The following GLYATL2 variants were observed in gnomAD, a reference collection of about 807,000 sequenced individuals.
GLYATL2 encodes glycine-N-acyltransferase like 2, also known as glycine N-acyltransferase-like protein 2.
In GLYATL2, 25 loss-of-function variants were observed where a neutral mutation model predicts 21.4. That is an observed-to-expected ratio of 1.17 (90% CI 0.85 to 1.63). GLYATL2 has a LOEUF of 1.63. Among genes scored for constraint, GLYATL2 ranks in the 40% most tolerant of loss-of-function variants. The probability of loss-of-function intolerance (pLI) is 0.00; values close to 1 mark genes in which losing one functional copy is unlikely to be tolerated. For missense variants in GLYATL2, 361 were observed against 343.3 expected, an observed-to-expected ratio of 1.05 and a Z score of -0.41; for synonymous variants, 114 against 118.2, an observed-to-expected ratio of 0.96 and a Z score of 0.23.
intron 1 of GLYATL2, among the ~76,000 whole-genome samples, chr11:58,902,505 A>C (rs1433650219): frequency 6.6e-6 from 1 of 152,176 alleles, no homozygotes; most frequent in Non-Finnish European, 1.5e-5. Context: ...TGTTGTTTGC[A>C]ACTCTAAATA....
intron 1 of GLYATL2, among the ~76,000 whole-genome samples, chr11:58,843,012 C>T (rs995985617): frequency 2.6e-5 from 4 of 151,982 alleles, no homozygotes; most frequent in African/African-American, 9.7e-5. Context: ...GTTTTTGTGA[C>T]CAGAAATATG....
At chr11:58,885,512 CAGAT>C (rs1854421240) in intron 1 of GLYATL2, 3 of 495,718 alleles carry the variant, frequency 6.1e-6, no homozygotes, top group Admixed American at 4.0e-5. Context: ...GCCCGAGTAT[CAGAT>C]AGTTATTATC....
intron 5 of GLYATL2, among the ~76,000 whole-genome samples, chr11:58,836,788 C>CAGAAGGACGTTGTGAGCCCT (rs1853438571): frequency 6.6e-6 from 1 of 152,284 alleles, no homozygotes; most frequent in Admixed American, 6.5e-5. Context: ...ATTACCCTCT[C>CAGAAGGACGTTGTGAGCCCT]AGAAGGACGT....
intron 1 of GLYATL2, among the ~76,000 whole-genome samples, chr11:58,894,007 T>C (rs1360187640): frequency 6.6e-6 from 1 of 152,212 alleles, no homozygotes; most frequent in African/African-American, 2.4e-5. Context: ...ATCATTGTTA[T>C]GCAGAAAAGA....
chr11:58,855,857 C>T (rs888974662), intron 1 of GLYATL2, among the ~76,000 whole-genome samples: 6 of 152,160 alleles, frequency 3.9e-5, no homozygotes, highest in African/African-American at 1.4e-4. Context: ...GGTGTGGTGG[C>T]TCATGCCTGT....
chr11:58,905,281 A>G (rs1393519302), upstream of GLYATL2: 1 of 374,036 alleles, frequency 2.7e-6, no homozygotes, highest in African/African-American at 2.1e-5. Context: ...AAGTCCCTCT[A>G]GACCTCACGC....
At chr11:58,841,422 G>T (rs1853550830) in intron 1 of GLYATL2, among the ~76,000 whole-genome samples, 2 of 152,170 alleles carry the variant, frequency 1.3e-5, no homozygotes, top group Admixed American at 1.3e-4. Flanking sequence ...TATCTACTTT[G>T]TAGGTTGTCA....
At position 58,837,153 on chromosome 11, in the gene GLYATL2, G is replaced by A. The variant is rs1385664029; in HGVS notation, c.338C>T (p.Ala113Val). 4.3e-6 allele frequency: 7 copies of A among 1,613,730 alleles called. No homozygotes were observed. Among genetic ancestry groups the A allele is most frequent in the Non-Finnish European group, 5.9e-6 (7 of 1,179,872 alleles). ...TTTTGAAGTTGCAACCTTTCTTATTGCTTCATCCAAGCCCTCTTGGCAACC... is the reference window on the plus strand; with the variant it reads ...TTTTGAAGTTGCAACCTTTCTTATTACTTCATCCAAGCCCTCTTGGCAACC... ...IQGCQEGLDE[A>V]IRKVATSKSV... The change falls in exon 5 of 6, where the codon GCA (alanine) becomes GTA (valine). Residue 113 changes from alanine (A) to valine (V), a missense_variant. Coordinates refer to ENST00000287275, the MANE Select transcript of GLYATL2 (RefSeq NM_145016.4).
chr11:58,909,522 G>C, the GLYATL2 span, among the ~76,000 whole-genome samples: 4 of 152,264 alleles, frequency 2.6e-5, no homozygotes, highest in Admixed American at 2.6e-4. Flanking sequence ...ATGTACATTA[G>C]TTACGCATTC....
upstream of GLYATL2, among the ~76,000 whole-genome samples, chr11:58,846,345 A>AG (rs1240148251): frequency 6.6e-6 from 1 of 151,986 alleles, no homozygotes; most frequent in African/African-American, 2.4e-5. Context: ...AACTACACAG[A>AG]AAAAAATACC....
chr11:58,879,290 T>C (rs1442994686), intron 1 of GLYATL2, among the ~76,000 whole-genome samples: 1 of 152,166 alleles, frequency 6.6e-6, no homozygotes, highest in Non-Finnish European at 1.5e-5. Flanking sequence ...AATTTTCATG[T>C]TTATTTATTC....
chr11:58,871,900 G>GA, intron 1 of GLYATL2, among the ~76,000 whole-genome samples: 111 of 152,256 alleles, frequency 7.3e-4, no homozygotes, highest in African/African-American at 2.5e-3. Flanking sequence ...AGTCCCACCA[G>GA]CGGTGTAAAA....
intron 1 of GLYATL2, among the ~76,000 whole-genome samples, chr11:58,852,004 T>G (rs1213797379): frequency 6.6e-6 from 1 of 152,216 alleles, no homozygotes; most frequent in Non-Finnish European, 1.5e-5. Context: ...GCATCTGAGT[T>G]TCTGGATTGA....
At chr11:58,868,788 A>T (rs1196534560) in intron 1 of GLYATL2, among the ~76,000 whole-genome samples, 1 of 149,102 alleles carries the variant, frequency 6.7e-6, no homozygotes, top group Non-Finnish European at 1.5e-5. Flanking sequence ...TTACCTTGGA[A>T]GAACTGCTTT....
At chr11:58,849,916 C>A (rs1036262055) in intron 1 of GLYATL2, among the ~76,000 whole-genome samples, 41 of 151,942 alleles carry the variant, frequency 2.7e-4, no homozygotes, top group African/African-American at 9.4e-4. Context: ...GCACATGTAT[C>A]CCAGAACTTA....
chr11:58,883,912 C>A (rs1016801692), intron 1 of GLYATL2, among the ~76,000 whole-genome samples: 2 of 152,168 alleles, frequency 1.3e-5, no homozygotes, highest in Admixed American at 6.6e-5. Context: ...GCTGATTCAA[C>A]ATGCACAAAT....
intron 1 of GLYATL2, among the ~76,000 whole-genome samples, chr11:58,861,623 T>C (rs1373331052): frequency 6.6e-6 from 1 of 152,012 alleles, no homozygotes; most frequent in East Asian, 1.9e-4. Flanking sequence ...TAGTTTGTTC[T>C]TTTTATAGTT....
At chr11:58,885,453 A>T in intron 1 of GLYATL2, 1 of 506,370 alleles carries the variant, frequency 2.0e-6, no homozygotes, top group Non-Finnish European at 4.0e-6. Context: ...TGTGTGTATC[A>T]CATCAATCAT....
At chr11:58,847,854 G>A (rs1286846052), upstream of GLYATL2, among the ~76,000 whole-genome samples, 1 of 152,152 alleles carries the variant, frequency 6.6e-6, no homozygotes. Context: ...CAGTAGCCAA[G>A]GAGTGATTAC....
Sources: gnomAD v4.1 joint callset for allele counts (sites outside exome capture counted in the v4.1 genomes callset) on GRCh38, gnomAD v4.1.1 for gene constraint, MANE v1.5 for transcripts, NCBI Gene and HGNC (gene_info 2026-07-23, HGNC 2026-07-21) for gene names.